The following EXOC6 variants were observed in gnomAD, a reference collection of about 807,000 sequenced individuals.
EXOC6 encodes the protein exocyst complex component 6.
In EXOC6, 60 loss-of-function variants were observed where a neutral mutation model predicts 112.5. That is an observed-to-expected ratio of 0.53 (90% CI 0.43 to 0.66). EXOC6 has a LOEUF of 0.66. Among genes scored for constraint, EXOC6 ranks in the 30% least tolerant of loss-of-function variants. EXOC6 has a pLI of 0.00. For synonymous variants in EXOC6, 295 were observed against 308.0 expected, an observed-to-expected ratio of 0.96 and a Z score of 0.44; for missense variants, 855 against 957.1, an observed-to-expected ratio of 0.89 and a Z score of 1.41.
intron 1 of EXOC6, among the ~76,000 whole-genome samples, chr10:92,866,303 T>G (rs1175171264): frequency 6.6e-6 from 1 of 152,186 alleles, no homozygotes; most frequent in Non-Finnish European, 1.5e-5. Flanking sequence ...GGAAAACTCA[T>G]GAGCACACGT....
intron 20 of EXOC6, among the ~76,000 whole-genome samples, chr10:93,055,262 G>A (rs1309889042): frequency 6.6e-6 from 1 of 152,136 alleles, no homozygotes; most frequent in Non-Finnish European, 1.5e-5. Flanking sequence ...AAAATTCTTT[G>A]TAAACATTAA....
chr10:92,955,187 A>T (rs909966645), intron 16 of EXOC6, among the ~76,000 whole-genome samples: 1 of 152,124 alleles, frequency 6.6e-6, no homozygotes, highest in Non-Finnish European at 1.5e-5. Flanking sequence ...AAGAAAAAAT[A>T]AAAAAATGAG....
intron 19 of EXOC6, among the ~76,000 whole-genome samples, chr10:93,007,525 T>C (rs1277013121): frequency 6.6e-6 from 1 of 152,078 alleles, no homozygotes; most frequent in African/African-American, 2.4e-5. Flanking sequence ...TGGTGGCACA[T>C]GCCTATAATC....
intron 13 of EXOC6, among the ~76,000 whole-genome samples, chr10:92,943,250 C>T (rs1293632129): frequency 6.6e-6 from 1 of 152,092 alleles, no homozygotes; most frequent in African/African-American, 2.4e-5. Flanking sequence ...GATCTCCTGA[C>T]CTTGTGATGT....
chr10:93,042,108 G>A (rs777992874), intron 20 of EXOC6, among the ~76,000 whole-genome samples: 2 of 152,162 alleles, frequency 1.3e-5, no homozygotes, highest in Admixed American at 6.5e-5. Context: ...TCTCCAGCCT[G>A]TCTTATACTA....
intron 20 of EXOC6, among the ~76,000 whole-genome samples, chr10:93,040,020 A>C (rs1845687493): frequency 1.3e-5 from 2 of 152,168 alleles, no homozygotes; most frequent in South Asian, 2.1e-4. Context: ...TCTTGAGTGA[A>C]AGCTCCAGCC....
At chr10:93,054,036 C>G (rs1846429148) in intron 20 of EXOC6, among the ~76,000 whole-genome samples, 1 of 152,184 alleles carries the variant, frequency 6.6e-6, no homozygotes, top group South Asian at 2.1e-4. Context: ...TCACCAGCTT[C>G]TATATAAGTT....
rs184516729 is a variant in EXOC6 at position 92,855,240 on chromosome 10, A to G, written c.101+6606A>G. ...GCATGAAAATTTTTTTTTTTAATTTATGTTTGAGACAGGATCTTGCTACAT... is the reference window on the plus strand; with the variant it reads ...GCATGAAAATTTTTTTTTTTAATTTGTGTTTGAGACAGGATCTTGCTACAT... On this transcript the variant is annotated intron_variant, in intron 1 of 21. Coordinates refer to ENST00000260762, the MANE Select transcript of EXOC6 (RefSeq NM_019053.6). 5.7e-4 allele frequency among the ~76,000 whole-genome samples: 87 copies of G among 151,710 alleles called. 1 individual carries two copies. The highest frequency in any genetic ancestry group is 2.0e-3 in the African/African-American group (84 of 41,334).
At chr10:92,852,280 A>G (rs1221538210) in intron 1 of EXOC6, among the ~76,000 whole-genome samples, 4 of 152,214 alleles carry the variant, frequency 2.6e-5, no homozygotes, top group African/African-American at 9.7e-5. Flanking sequence ...TTACTGGTGG[A>G]TTCTACATCT....
At chr10:93,030,051 G>A (rs1845203650) in intron 20 of EXOC6, among the ~76,000 whole-genome samples, 1 of 152,170 alleles carries the variant, frequency 6.6e-6, no homozygotes, top group African/African-American at 2.4e-5. Context: ...TGGGATTACA[G>A]GCATGTGCCA....
intron 7 of EXOC6, among the ~76,000 whole-genome samples, chr10:92,916,341 C>T (rs1231205801): frequency 1.3e-5 from 2 of 152,110 alleles, no homozygotes; most frequent in African/African-American, 4.8e-5. Context: ...GAAACCCTGT[C>T]TCTACTAAAA....
At chr10:92,948,819 A>G (rs1159248174) in intron 14 of EXOC6, among the ~76,000 whole-genome samples, 1 of 152,204 alleles carries the variant, frequency 6.6e-6, no homozygotes, top group Non-Finnish European at 1.5e-5. Flanking sequence ...GGAAGATTTA[A>G]AAGAAGTACA....
At chr10:92,892,223 C>A (rs72813156) in intron 1 of EXOC6, among the ~76,000 whole-genome samples, 39 of 150,826 alleles carry the variant, frequency 2.6e-4, no homozygotes, top group Non-Finnish European at 4.6e-4. Flanking sequence ...ACAACAACAA[C>A]AAAAACTTTC....
At chr10:93,015,550 G>A (rs1025486810) in intron 20 of EXOC6, among the ~76,000 whole-genome samples, 6 of 152,058 alleles carry the variant, frequency 3.9e-5, no homozygotes, top group African/African-American at 1.2e-4. Context: ...TGGCTAACAC[G>A]GTGAAACCCC....
intron 17 of EXOC6, among the ~76,000 whole-genome samples, chr10:92,966,032 C>T (rs1368626093): frequency 6.6e-6 from 1 of 151,920 alleles, no homozygotes; most frequent in Non-Finnish European, 1.5e-5. Context: ...TATTAGGTAC[C>T]CTTCCCCGAA....
intron 1 of EXOC6, among the ~76,000 whole-genome samples, chr10:92,893,071 T>C (rs1412733028): frequency 6.6e-6 from 1 of 152,210 alleles, no homozygotes; most frequent in Non-Finnish European, 1.5e-5. Flanking sequence ...TGTTTTTGAA[T>C]GTTAGTATGT....
At chr10:92,951,629 G>C (rs774373967) in intron 14 of EXOC6, among the ~76,000 whole-genome samples, 1 of 152,106 alleles carries the variant, frequency 6.6e-6, no homozygotes, top group Non-Finnish European at 1.5e-5. Flanking sequence ...ATAGAAAAGA[G>C]GGTTTTTTTA....
intron 1 of EXOC6, among the ~76,000 whole-genome samples, chr10:92,882,272 A>G (rs1165211967): frequency 1.3e-5 from 2 of 152,072 alleles, no homozygotes; most frequent in Non-Finnish European, 2.9e-5. Flanking sequence ...GGTTGGGCAC[A>G]GTGGCTCACG....
chr10:92,871,622 C>T (rs1029414433), intron 1 of EXOC6, among the ~76,000 whole-genome samples: 1 of 151,526 alleles, frequency 6.6e-6, no homozygotes. Context: ...GCCTGGCCAA[C>T]GTGATGAAAC....
Sources: allele counts gnomAD v4.1 joint callset (sites outside exome capture counted in the v4.1 genomes callset), GRCh38; gene constraint gnomAD v4.1.1; transcripts MANE v1.5; gene names NCBI Gene and HGNC (gene_info 2026-07-23, HGNC 2026-07-21).